Variants in LINGO2 observed in about 807,000 individuals in gnomAD.
The protein encoded by LINGO2 is leucine-rich repeat and immunoglobulin-like domain-containing nogo receptor-interacting protein 2.
LINGO2 carries 14 observed loss-of-function variants against 30.6 expected under a neutral mutation model. That is an observed-to-expected ratio of 0.46 (90% CI 0.30 to 0.72). The LOEUF is 0.72. Ranked by LOEUF, LINGO2 falls within the 30% of genes least tolerant of loss-of-function variation. The pLI, the probability that LINGO2 is intolerant of heterozygous loss-of-function variation, is 0.07. For synonymous variants in LINGO2, 317 were observed against 288.5 expected (o/e 1.10, Z -1.00); for missense variants, 729 against 751.7 (o/e 0.97, Z 0.35).
chr9:28,396,165 T>C (rs1467620066), intron 2 of LINGO2, among the ~76,000 whole-genome samples: 1 of 152,116 alleles, frequency 6.6e-6, no homozygotes, highest in East Asian at 1.9e-4. Context: ...TAACAGACAC[T>C]TATATAGAAA....
At chr9:28,868,597 T>C in the LINGO2 span, among the ~76,000 whole-genome samples, 1 of 152,098 alleles carries the variant, frequency 6.6e-6, no homozygotes, top group Non-Finnish European at 1.5e-5. Flanking sequence ...TGTTTAGTTA[T>C]TTGAAGAGAA....
rs201066699 is a variant in LINGO2 at position 28,529,606 on chromosome 9, C to CTTTTTTT, written c.-364-53588_-364-53582dup. ...TAAGACCAGTTGCAAATTGCAAATA[C>CTTTTTTT]TTTTTTTTTTTTTTTTTTTGCCATC... On this transcript the variant is annotated intron_variant, in intron 1 of 5. Transcript: ENST00000379992. Among the ~76,000 whole-genome samples, 352 of 125,256 alleles carry CTTTTTTT rather than the reference C, an allele frequency of 2.8e-3. 1 individual carries two copies. The highest frequency in any genetic ancestry group is 9.4e-3 in the African/African-American group (324 of 34,398). 82.2% of individuals were successfully genotyped at this position (125,256 alleles called of 152,430 possible).
At chr9:29,038,732 A>G in the LINGO2 span, among the ~76,000 whole-genome samples, 1 of 151,912 alleles carries the variant, frequency 6.6e-6, no homozygotes, top group Non-Finnish European at 1.5e-5. Context: ...TTTAGGATTA[A>G]CATCTTTTTC....
chr9:28,915,427 T>C, the LINGO2 span, among the ~76,000 whole-genome samples: 1 of 152,086 alleles, frequency 6.6e-6, no homozygotes, highest in African/African-American at 2.4e-5. Flanking sequence ...TCTACCTTAG[T>C]AACATATTCT....
At chr9:28,673,079 A>G (rs1221164444), upstream of LINGO2, among the ~76,000 whole-genome samples, 1 of 152,166 alleles carries the variant, frequency 6.6e-6, no homozygotes, top group East Asian at 1.9e-4. Flanking sequence ...AACTTACAAT[A>G]GCATTGTGTT....
the LINGO2 span, among the ~76,000 whole-genome samples, chr9:29,167,009 A>G: frequency 7.2e-5 from 11 of 152,106 alleles, no homozygotes; most frequent in Non-Finnish European, 1.5e-5. Context: ...AAATTAGCGA[A>G]ATTTTTATTT....
At chr9:29,120,920 G>A in the LINGO2 span, among the ~76,000 whole-genome samples, 1 of 152,028 alleles carries the variant, frequency 6.6e-6, no homozygotes, top group Non-Finnish European at 1.5e-5. Flanking sequence ...TATAATAAGT[G>A]GTCAGTAAAT....
intron 4 of LINGO2, among the ~76,000 whole-genome samples, chr9:28,150,215 C>G (rs1367904915): frequency 3.4e-5 from 5 of 146,768 alleles, no homozygotes; most frequent in African/African-American, 1.0e-4. Context: ...AAATGAGGAG[C>G]GCCTCTGCCC....
chr9:28,736,690 G>A, the LINGO2 span, among the ~76,000 whole-genome samples: 30 of 152,188 alleles, frequency 2.0e-4, no homozygotes, highest in African/African-American at 7.2e-4. Context: ...TACTTGCGGG[G>A]CTGAGGCAGG....
Position 28,283,783 on chromosome 9 carries a change from G to C in LINGO2, c.-87+11425C>G, listed in dbSNP as rs202002455. Among the ~76,000 whole-genome samples, 13 of 152,042 alleles carry C rather than the reference G, an allele frequency of 8.6e-5. No homozygotes were observed. The East Asian group carries it at 2.3e-3, about 27-fold the overall frequency. ...TGTATTAAGGCTGTTATTTAATTTAGGGTAGTTATTATTATTATTATTTTA... is the reference window on the plus strand; with the variant it reads ...TGTATTAAGGCTGTTATTTAATTTACGGTAGTTATTATTATTATTATTTTA... On this transcript the variant is annotated intron_variant, in intron 4 of 5. Coordinates refer to ENST00000379992, the Ensembl canonical transcript of LINGO2.
At chr9:28,698,909 G>C in the LINGO2 span, among the ~76,000 whole-genome samples, 1 of 151,898 alleles carries the variant, frequency 6.6e-6, no homozygotes, top group South Asian at 2.1e-4. Flanking sequence ...AGATGTGGTG[G>C]TGTGCACCTG....
chr9:28,445,628 T>G (rs1401222908), intron 2 of LINGO2, among the ~76,000 whole-genome samples: 1 of 152,210 alleles, frequency 6.6e-6, no homozygotes. Context: ...AGTGTCCATA[T>G]GCAATTACAC....
the LINGO2 span, among the ~76,000 whole-genome samples, chr9:29,134,997 G>C: frequency 6.6e-6 from 1 of 151,922 alleles, no homozygotes; most frequent in African/African-American, 2.4e-5. Flanking sequence ...GTGTTTGATA[G>C]ATTCTAATTT....
At chr9:28,643,504 A>C (rs1283828301) in intron 1 of LINGO2, among the ~76,000 whole-genome samples, 7 of 152,062 alleles carry the variant, frequency 4.6e-5, no homozygotes, top group Non-Finnish European at 1.0e-4. Flanking sequence ...TAAAAGTAGA[A>C]CATTATCTCT....
At chr9:28,307,225 T>G (rs1262618509) in intron 3 of LINGO2, among the ~76,000 whole-genome samples, 1 of 152,122 alleles carries the variant, frequency 6.6e-6, no homozygotes, top group African/African-American at 2.4e-5. Flanking sequence ...AAAAAGCTTA[T>G]CCACCATGGT....
intron 1 of LINGO2, among the ~76,000 whole-genome samples, chr9:28,512,913 G>T (rs1820469482): frequency 6.6e-6 from 1 of 151,546 alleles, no homozygotes; most frequent in Non-Finnish European, 1.5e-5. Context: ...GCCTGCTTTA[G>T]TTTCACTTGC....
intron 1 of LINGO2, among the ~76,000 whole-genome samples, chr9:28,558,859 C>A (rs557698448): frequency 6.6e-6 from 1 of 151,962 alleles, no homozygotes; most frequent in Non-Finnish European, 1.5e-5. Context: ...TCTATTGCAT[C>A]CTTAGAAGTG....
At chr9:28,764,122 G>A in the LINGO2 span, among the ~76,000 whole-genome samples, 4 of 146,902 alleles carry the variant, frequency 2.7e-5, no homozygotes, top group East Asian at 7.8e-4. Context: ...ACCAATTCTT[G>A]AACTCTTTTT....
At chr9:28,608,514 A>C (rs1825785183) in intron 1 of LINGO2, among the ~76,000 whole-genome samples, 1 of 152,024 alleles carries the variant, frequency 6.6e-6, no homozygotes, top group African/African-American at 2.4e-5. Context: ...TATTATGTGC[A>C]TAAATAGCAG....
Sources: gnomAD v4.1 joint callset for allele counts (sites outside exome capture counted in the v4.1 genomes callset) on GRCh38, gnomAD v4.1.1 for gene constraint, MANE v1.5 for transcripts, NCBI Gene and HGNC (gene_info 2026-07-23, HGNC 2026-07-21) for gene names.